Variants in CDH12 observed in about 807,000 individuals in gnomAD.
CDH12 encodes cadherin-12.
In CDH12, 41 loss-of-function variants were observed where a neutral mutation model predicts 74.1. The ratio of observed to expected loss-of-function variants is 0.55; its 90% confidence interval spans 0.43 to 0.72. The LOEUF is 0.72. Among genes scored for constraint, CDH12 ranks in the 30% least tolerant of loss-of-function variants. The probability of loss-of-function intolerance (pLI) is 0.00; values close to 1 mark genes in which losing one functional copy is unlikely to be tolerated. For synonymous variants in CDH12, 399 were observed against 355.0 expected, an observed-to-expected ratio of 1.12 and a Z score of -1.39; for missense variants, 945 against 977.2, an observed-to-expected ratio of 0.97 and a Z score of 0.44.
At chr5:22,655,751 C>A (rs750209283) in intron 1 of CDH12, among the ~76,000 whole-genome samples, 1 of 152,130 alleles carries the variant, frequency 6.6e-6, no homozygotes, top group Non-Finnish European at 1.5e-5. Context: ...TTTATGCTGT[C>A]GCATCTCTCA....
chr5:22,358,194 A>T (rs1439148368), intron 3 of CDH12, among the ~76,000 whole-genome samples: 1 of 152,152 alleles, frequency 6.6e-6, no homozygotes, highest in East Asian at 1.9e-4. Context: ...GGATCCCTTG[A>T]GGTCAGGAGT....
intron 2 of CDH12, among the ~76,000 whole-genome samples, chr5:22,492,350 G>GTT (rs1554044895): frequency 3.4e-5 from 5 of 148,502 alleles, no homozygotes; most frequent in African/African-American, 7.4e-5. Context: ...TACTAAAAAT[G>GTT]TTTTTTTTTT....
chr5:22,649,966 G>A (rs956492735), intron 1 of CDH12, among the ~76,000 whole-genome samples: 7 of 151,774 alleles, frequency 4.6e-5, no homozygotes, highest in African/African-American at 7.3e-5. Context: ...TTATTTTACC[G>A]AATAGTTATA....
intron 11 of CDH12, among the ~76,000 whole-genome samples, chr5:21,781,364 C>CA (rs1215811876): frequency 2.0e-5 from 3 of 152,124 alleles, no homozygotes; most frequent in African/African-American, 4.8e-5. Flanking sequence ...AAATAATTCA[C>CA]AAAATTACAT....
chr5:21,839,451 T>C (rs1477525476), intron 8 of CDH12, among the ~76,000 whole-genome samples: 1 of 152,180 alleles, frequency 6.6e-6, no homozygotes, highest in African/African-American at 2.4e-5. Flanking sequence ...TGTATACTTA[T>C]TGGGAGTGGG....
At chr5:21,989,414 G>A (rs1193743582) in intron 5 of CDH12, among the ~76,000 whole-genome samples, 6 of 152,084 alleles carry the variant, frequency 3.9e-5, no homozygotes, top group African/African-American at 9.7e-5. Context: ...TAGATGCAAT[G>A]CAATGTTTTG....
At chr5:22,573,065 C>G (rs1739615472) in intron 1 of CDH12, among the ~76,000 whole-genome samples, 1 of 152,174 alleles carries the variant, frequency 6.6e-6, no homozygotes, top group South Asian at 2.1e-4. Flanking sequence ...CTCCAAGATT[C>G]AATAAATGTC....
chr5:22,095,036 T>C (rs1165441494), intron 4 of CDH12, among the ~76,000 whole-genome samples: 1 of 152,170 alleles, frequency 6.6e-6, no homozygotes, highest in African/African-American at 2.4e-5. Flanking sequence ...GCCTGTTTAG[T>C]GGTCTCTTCA....
At chr5:21,839,175 A>C (rs1053317365) in intron 8 of CDH12, among the ~76,000 whole-genome samples, 1 of 152,168 alleles carries the variant, frequency 6.6e-6, no homozygotes, top group African/African-American at 2.4e-5. Context: ...TAGTGTCGAG[A>C]TCATATTAGT....
At chr5:21,865,725 C>G (rs1214669445) in intron 6 of CDH12, among the ~76,000 whole-genome samples, 1 of 152,122 alleles carries the variant, frequency 6.6e-6, no homozygotes, top group African/African-American at 2.4e-5. Context: ...GCTGTAAGAT[C>G]ATGGTAGCTT....
chr5:21,831,044 A>T (rs2149966809), intron 8 of CDH12, among the ~76,000 whole-genome samples: 1 of 141,354 alleles, frequency 7.1e-6, no homozygotes, highest in African/African-American at 2.8e-5. Flanking sequence ...GTCTCAAAAA[A>T]AGAAAACAAA....
At chr5:22,029,374 G>C (rs958237511) in intron 5 of CDH12, among the ~76,000 whole-genome samples, 2 of 152,052 alleles carry the variant, frequency 1.3e-5, no homozygotes, top group African/African-American at 4.8e-5. Flanking sequence ...CTGACAAAGG[G>C]CTAATATCCA....
At chr5:21,884,454 G>C in intron 6 of CDH12, 1 of 682,900 alleles carries the variant, frequency 1.5e-6, no homozygotes, top group Non-Finnish European at 2.6e-6. Context: ...TCAGTTACTG[G>C]TTTCAGTTGA....
At chr5:22,557,467 C>T (rs1416665898) in intron 1 of CDH12, among the ~76,000 whole-genome samples, 1 of 152,034 alleles carries the variant, frequency 6.6e-6, no homozygotes, top group Non-Finnish European at 1.5e-5. Flanking sequence ...GCATTGCCAG[C>T]AATTCTGGCA....
intron 4 of CDH12, among the ~76,000 whole-genome samples, chr5:22,134,407 A>G (rs930165131): frequency 6.6e-6 from 1 of 152,032 alleles, no homozygotes; most frequent in African/African-American, 2.4e-5. Context: ...ATTTTCTAGG[A>G]TAGCGGGTGG....
chr5:21,820,502 C>G (rs1327607795), intron 8 of CDH12, among the ~76,000 whole-genome samples: 2 of 151,836 alleles, frequency 1.3e-5, no homozygotes, highest in Admixed American at 6.6e-5. Flanking sequence ...ATGTGAAATG[C>G]AAATATACAG....
chr5:22,522,903 C>A (rs1382641050), intron 1 of CDH12, among the ~76,000 whole-genome samples: 1 of 152,152 alleles, frequency 6.6e-6, no homozygotes, highest in Non-Finnish European at 1.5e-5. Context: ...TTCACTTCTT[C>A]CCTATGTCTT....
chr5:22,029,212 C>G (rs1738623375), intron 5 of CDH12, among the ~76,000 whole-genome samples: 1 of 152,070 alleles, frequency 6.6e-6, no homozygotes, highest in African/African-American at 2.4e-5. Flanking sequence ...GCAAGGACTT[C>G]ATGTCTAAAA....
At chr5:22,446,781 A>G (rs1169010436) in intron 2 of CDH12, among the ~76,000 whole-genome samples, 1 of 152,154 alleles carries the variant, frequency 6.6e-6, no homozygotes, top group Non-Finnish European at 1.5e-5. Flanking sequence ...CAACATTTCC[A>G]TAATATATTG....
Sources: allele counts gnomAD v4.1 joint callset (sites outside exome capture counted in the v4.1 genomes callset), GRCh38; gene constraint gnomAD v4.1.1; transcripts MANE v1.5; gene names NCBI Gene and HGNC (gene_info 2026-07-23, HGNC 2026-07-21).